Variants in LVRN observed in about 807,000 individuals in gnomAD.
LVRN encodes aminopeptidase Q.
Under a neutral mutation model 111.4 loss-of-function variants are expected in LVRN, and 99 were observed. That is an observed-to-expected ratio of 0.89 (90% CI 0.76 to 1.05). LVRN has a LOEUF of 1.05. Ranked by LOEUF, LVRN falls within the 50% of genes least tolerant of loss-of-function variation. The pLI is 0.00. For missense variants in LVRN, 1,414 were observed against 1,206.8 expected (o/e 1.17, Z -2.54); for synonymous variants, 488 against 449.5 (o/e 1.09, Z -1.08).
chr5:115,992,349 A>G, intron 5 of LVRN, 72 bp downstream of exon 5: 1 of 1,544,136 alleles, frequency 6.5e-7, no homozygotes, highest in Non-Finnish European at 8.9e-7. Flanking sequence ...TAGCATAAAA[A>G]CCCCAGTAAG....
chr5:115,969,097 T>C (rs952932160), intron 1 of LVRN, among the ~76,000 whole-genome samples: 1 of 152,180 alleles, frequency 6.6e-6, no homozygotes, highest in African/African-American at 2.4e-5. Context: ...GTCTCCTCTT[T>C]CTCTCCTCTT....
chr5:115,972,555 T>A (rs1430264393), intron 1 of LVRN, among the ~76,000 whole-genome samples: 9 of 151,998 alleles, frequency 5.9e-5, no homozygotes. Context: ...CAGTTTTACT[T>A]CTACTTTAGT....
In LVRN at chr5:116,026,434, G is replaced by A. The variant is rs1580406048; in HGVS notation, c.*316G>A. The A allele has an allele frequency of 5.7e-6, 2 of 353,926 alleles. No homozygotes were observed. The highest frequency in any genetic ancestry group is 4.5e-5 in the Admixed American group (1 of 22,190). 21.9% of individuals were successfully genotyped at this position (353,926 alleles called of 1,614,324 possible). A position where few individuals can be genotyped will look rare whatever the true frequency, so the allele number is the denominator to read the frequency against. On this transcript the variant is annotated 3_prime_UTR_variant, in exon 20 of 20. Transcript: ENST00000357872. Reference sequence around the variant, plus strand: ...TAGTCTTGCTTATTTTGTTGCGAAGGCCAGTGGAATATAAAAATCAATGGC... The same window carrying A: ...TAGTCTTGCTTATTTTGTTGCGAAGACCAGTGGAATATAAAAATCAATGGC...
chr5:115,971,066 A>G (rs1753314713), intron 1 of LVRN, among the ~76,000 whole-genome samples: 1 of 152,214 alleles, frequency 6.6e-6, no homozygotes, highest in African/African-American at 2.4e-5. Context: ...ATAGGTGTAT[A>G]GTGTTCTTCA....
intron 1 of LVRN, among the ~76,000 whole-genome samples, chr5:115,963,628 T>C (rs943795953): frequency 6.6e-6 from 1 of 152,128 alleles, no homozygotes; most frequent in Non-Finnish European, 1.5e-5. Flanking sequence ...AAACAGCGCA[T>C]GTTCTCACCC....
chr5:115,983,423 A>G lies in LVRN; in HGVS notation c.832A>G (p.Lys278Glu). ...TTATGTGGCCCTTTCCAACATGCCAAAGCTAGGTAAGTAATGCTTTCTGTC... is the reference window on the plus strand; with the variant it reads ...TTATGTGGCCCTTTCCAACATGCCAGAGCTAGGTAAGTAATGCTTTCTGTC... ...PSYVALSNMP[K>E]LGQSEKEDVN... The change falls in exon 2 of 20, where the codon AAG becomes GAG. Residue 278 changes from lysine (K) to glutamate (E), a missense_variant. By Grantham distance (56) the Lys-to-Glu change is moderately conservative (BLOSUM62 1). Coordinates refer to ENST00000357872, the MANE Select transcript of LVRN (RefSeq NM_173800.5). 12 of 1,598,058 alleles carry G rather than the reference A, an allele frequency of 7.5e-6. No individual in the cohort carries two copies. The highest frequency in any genetic ancestry group is 1.0e-5 in the Non-Finnish European group (12 of 1,175,070).
intron 1 of LVRN, among the ~76,000 whole-genome samples, chr5:115,966,748 C>T (rs4921037): frequency 1.3e-5 from 2 of 152,096 alleles, no homozygotes; most frequent in East Asian, 3.8e-4. Flanking sequence ...AGTGGCTATA[C>T]CATTTTATAC....
chr5:116,000,501 G>A lies in LVRN; in HGVS notation c.1581+3G>A. On this transcript the variant is annotated splice_donor_region_variant and intron_variant, in intron 8 of 19. Coordinates refer to ENST00000357872, the MANE Select transcript of LVRN (RefSeq NM_173800.5). ...ATTTATTTGTCAGTGCACTCAAGGT[G>A]AGTTTGCAAAATAGTCGTTACCTGG... The A allele has an allele frequency of 6.2e-7, 1 of 1,614,094 alleles. No homozygotes were observed. The highest frequency in any genetic ancestry group is 8.5e-7 in the Non-Finnish European group (1 of 1,179,960).
At position 115,963,236 on chromosome 5, in the gene LVRN, A is replaced by C. The variant is rs778074948; in HGVS notation, c.619A>C (p.Ser207Arg). ...KPGSSYELQL[S>R]FSGLVKEDLR... ...TGGTAGCAGCTACGAGCTGCAGCTT[A>C]GCTTCTCGGGCCTGGTGAAGGAAGA... The change falls in exon 1 of 20, where the codon AGC becomes CGC. Residue 207 changes from serine (S) to arginine (R), a missense_variant. Physicochemically the swap from Ser to Arg is moderately radical, Grantham distance 110. Coordinates refer to ENST00000357872, the MANE Select transcript of LVRN (RefSeq NM_173800.5). The C allele has an allele frequency of 6.2e-7, 1 of 1,612,794 alleles. No individual in the cohort carries two copies. The highest frequency in any genetic ancestry group is 8.5e-7 in the Non-Finnish European group (1 of 1,179,894).
rs188471657 is a variant in LVRN, at chr5:115,984,083, C to T, written c.839-487C>T. ...CCACTCCCTATTAGGTACACCAACC[C>T]ATTTCACATCGAGTGCCTGGCCCTT... On this transcript the variant is annotated intron_variant, in intron 2 of 19. Coordinates refer to ENST00000357872, the MANE Select transcript of LVRN (RefSeq NM_173800.5). 2.9e-3 allele frequency among the ~76,000 whole-genome samples: 446 copies of T among 152,260 alleles called. 2 individuals carry two copies. The highest frequency in any genetic ancestry group is 4.4e-3 in the Non-Finnish European group (296 of 68,008).
rs761293655 is a variant in LVRN, at chr5:116,000,383, A to G, written c.1516-50A>G. On this transcript the variant is annotated intron_variant, in intron 7 of 19. Transcript: ENST00000357872. Reference sequence around the variant, plus strand: ...GCTTATAAATATGGAATGTGTCAGTATGTGGATATTGAATTTTGTTCAAAT... The same window carrying G: ...GCTTATAAATATGGAATGTGTCAGTGTGTGGATATTGAATTTTGTTCAAAT... 1.9e-6 allele frequency: 3 copies of G among 1,581,144 alleles called. No homozygotes were observed. In the African/African-American group the frequency reaches 4.1e-5, roughly 21 times the overall value.
chr5:116,000,500 T>A lies in LVRN; in HGVS notation c.1581+2T>A. The A allele has an allele frequency of 6.2e-7, 1 of 1,614,132 alleles. No individual in the cohort carries two copies. Among genetic ancestry groups the A allele is most frequent in the Non-Finnish European group, 8.5e-7 (1 of 1,179,970 alleles). On this transcript the variant is annotated splice_donor_variant, in intron 8 of 19. Transcript: ENST00000357872. LOFTEE classifies it high-confidence loss of function. ...CATTTATTTGTCAGTGCACTCAAGG[T>A]GAGTTTGCAAAATAGTCGTTACCTG...
intron 3 of LVRN, among the ~76,000 whole-genome samples, chr5:115,985,094 G>A (rs1747826947): frequency 6.6e-6 from 1 of 152,144 alleles, no homozygotes; most frequent in Non-Finnish European, 1.5e-5. Context: ...AAGCTTGGGT[G>A]ATACTCAAAA....
intron 1 of LVRN, among the ~76,000 whole-genome samples, chr5:115,977,603 C>G (rs1442770005): frequency 6.6e-6 from 1 of 152,120 alleles, no homozygotes; most frequent in African/African-American, 2.4e-5. Flanking sequence ...CATGACATCT[C>G]AGTTTAGTTT....
chr5:115,972,948 G>C (rs1212329566), intron 1 of LVRN, among the ~76,000 whole-genome samples: 2 of 148,464 alleles, frequency 1.3e-5, no homozygotes, highest in African/African-American at 5.0e-5. Context: ...TTTTTTTCCA[G>C]ACAGGGTCTC....
rs1248524251 is a variant in LVRN at position 115,983,326 on chromosome 5, G to T, written c.735G>T (p.Arg245Ser). Reference sequence around the variant, plus strand: ...CCCAGCTGGAACCAACATTTGCCAGGTATGTTTTCCCTTGTTTTGATGAGC... The same window carrying T: ...CCCAGCTGGAACCAACATTTGCCAGTTATGTTTTCCCTTGTTTTGATGAGC... ...LASQLEPTFA[R>S]YVFPCFDEPA... Residue 245 changes from arginine to serine, a missense_variant, in exon 2 of 20, where the codon AGG becomes AGT. Transcript: ENST00000357872. 3 of 1,609,538 alleles carry T rather than the reference G, an allele frequency of 1.9e-6. No individual in the cohort carries two copies. The highest frequency in any genetic ancestry group is 3.4e-5 in the Admixed American group (2 of 58,836).
chr5:115,990,791 T>C (rs988051683), intron 4 of LVRN, among the ~76,000 whole-genome samples: 3 of 152,118 alleles, frequency 2.0e-5, no homozygotes, highest in Non-Finnish European at 4.4e-5. Context: ...AGGCTGGTCT[T>C]GAACTCCTGA....
At chr5:116,021,387 A>G (rs1344303479) in intron 18 of LVRN, 2 of 152,404 alleles carry the variant, frequency 1.3e-5, no homozygotes, top group African/African-American at 2.4e-5. Flanking sequence ...CTAGCTGGCC[A>G]GTTAAAATAG....
At chr5:115,976,635 CT>C (rs551471316) in intron 1 of LVRN, among the ~76,000 whole-genome samples, 2 of 151,870 alleles carry the variant, frequency 1.3e-5, no homozygotes, top group African/African-American at 4.8e-5. Flanking sequence ...TTGTTTTTAT[CT>C]TTTTTTTGGA....
Sources: gnomAD v4.1 joint callset for allele counts (sites outside exome capture counted in the v4.1 genomes callset) on GRCh38, gnomAD v4.1.1 for gene constraint, MANE v1.5 for transcripts, NCBI Gene and HGNC (gene_info 2026-07-23, HGNC 2026-07-21) for gene names.